Variants in SGMS1 observed in about 807,000 individuals in gnomAD.
The protein encoded by SGMS1 is sphingomyelin synthase 1, also known as phosphatidylcholine:ceramide cholinephosphotransferase 1.
SGMS1 carries 13 observed loss-of-function variants against 46.2 expected under a neutral mutation model. That is an observed-to-expected ratio of 0.28 (90% CI 0.18 to 0.45). SGMS1 has a LOEUF of 0.45. SGMS1 is among the 20% of genes least tolerant of loss of function. SGMS1 has a pLI of 1.00. For synonymous variants in SGMS1, 203 were observed against 187.8 expected (o/e 1.08, Z -0.66); for missense variants, 324 against 519.9 (o/e 0.62, Z 3.66).
intron 2 of SGMS1, among the ~76,000 whole-genome samples, chr10:50,581,145 T>C (rs1017857257): frequency 1.3e-5 from 2 of 152,176 alleles, no homozygotes; most frequent in Non-Finnish European, 2.9e-5. Flanking sequence ...CAACCTCCAA[T>C]GAGACCCCAG....
At chr10:50,363,812 A>T (rs1174153023) in intron 6 of SGMS1, among the ~76,000 whole-genome samples, 6 of 152,228 alleles carry the variant, frequency 3.9e-5, no homozygotes, top group Non-Finnish European at 1.5e-5. Context: ...TCATGCAAAG[A>T]GTTTCCAAAC....
chr10:50,484,083 C>A (rs1202494672), intron 3 of SGMS1, among the ~76,000 whole-genome samples: 1 of 151,902 alleles, frequency 6.6e-6, no homozygotes, highest in African/African-American at 2.4e-5. Flanking sequence ...AAAAACCCTT[C>A]AAAAAATCAA....
At chr10:50,516,148 A>G (rs913190096) in intron 3 of SGMS1, among the ~76,000 whole-genome samples, 2 of 152,188 alleles carry the variant, frequency 1.3e-5, no homozygotes, top group Non-Finnish European at 2.9e-5. Flanking sequence ...TCTGCTGCAG[A>G]AGGAATAATA....
chr10:50,621,261 C>T (rs916609516), intron 1 of SGMS1, among the ~76,000 whole-genome samples: 32 of 152,088 alleles, frequency 2.1e-4, no homozygotes, highest in African/African-American at 7.5e-4. Context: ...GTTAACAAAG[C>T]ACACCATTTC....
At chr10:50,524,371 C>A (rs1362595436) in intron 2 of SGMS1, among the ~76,000 whole-genome samples, 1 of 152,074 alleles carries the variant, frequency 6.6e-6, no homozygotes, top group Non-Finnish European at 1.5e-5. Flanking sequence ...TCCCAGTCCC[C>A]CTTACCATTT....
At chr10:50,531,763 C>G (rs1837955456) in intron 2 of SGMS1, among the ~76,000 whole-genome samples, 1 of 152,166 alleles carries the variant, frequency 6.6e-6, no homozygotes. Flanking sequence ...GGAAGGTATA[C>G]TACATATACC....
At chr10:50,516,312 A>G (rs1264568738) in intron 3 of SGMS1, among the ~76,000 whole-genome samples, 4 of 152,230 alleles carry the variant, frequency 2.6e-5, no homozygotes, top group African/African-American at 9.6e-5. Flanking sequence ...ATGTAAGAAC[A>G]TGGAGCTTAC....
intron 2 of SGMS1, among the ~76,000 whole-genome samples, chr10:50,555,886 A>G (rs1218031288): frequency 6.6e-6 from 1 of 152,234 alleles, no homozygotes. Context: ...CTACTAATAC[A>G]CACAATTTGC....
chr10:50,616,615 C>G (rs993057689), intron 1 of SGMS1, among the ~76,000 whole-genome samples: 2 of 152,132 alleles, frequency 1.3e-5, no homozygotes, highest in Non-Finnish European at 2.9e-5. Context: ...GAACCAGGGC[C>G]TACCAGGGGT....
chr10:50,598,016 A>G lies in SGMS1; in HGVS notation c.-683-7769T>C, dbSNP rs1189836832. ...AACAAGAGTGAAACTCCGTCTCAAA[A>G]AAAAAAAAAAAGAAAAAAAAATTCA... On this transcript the variant is annotated intron_variant, in intron 1 of 10. Transcript: ENST00000361781. Among the ~76,000 whole-genome samples the G allele has an allele frequency of 1.3e-5, 2 of 151,504 alleles. 1 individual carries two copies.
At position 50,568,487 on chromosome 10, in the gene SGMS1, C is replaced by T. The variant is rs144354133; in HGVS notation, c.-589+21666G>A. Reference sequence around the variant, plus strand: ...AAGCCCATCCCTTCAGAATTCCCATCATTCCCATCCAATTCATCAGTTTTA... The same window carrying T: ...AAGCCCATCCCTTCAGAATTCCCATTATTCCCATCCAATTCATCAGTTTTA... On this transcript the variant is annotated intron_variant, in intron 2 of 10. Transcript: ENST00000361781. 5.1e-3 allele frequency among the ~76,000 whole-genome samples: 779 copies of T among 152,334 alleles called. 3 individuals carry two copies. Among genetic ancestry groups the T allele is most frequent in the Non-Finnish European group, 9.0e-3 (615 of 68,038 alleles).
chr10:50,346,146 C>T (rs1847908467), intron 6 of SGMS1, among the ~76,000 whole-genome samples: 1 of 152,166 alleles, frequency 6.6e-6, no homozygotes, highest in South Asian at 2.1e-4. Flanking sequence ...GCTTATTCAC[C>T]TCTAAAATGA....
intron 3 of SGMS1, among the ~76,000 whole-genome samples, chr10:50,476,628 G>A (rs1481040242): frequency 1.3e-5 from 2 of 152,196 alleles, no homozygotes; most frequent in Non-Finnish European, 2.9e-5. Context: ...CCCATCACAG[G>A]CCAGGAGGTC....
chr10:50,624,976 G>A, upstream of SGMS1: 2 of 1,038,974 alleles, frequency 1.9e-6, no homozygotes, highest in Non-Finnish European at 2.3e-6. Context: ...ATCGGGCCGC[G>A]GGCGCTCGGA....
Position 50,589,240 on chromosome 10 carries a change from T to C in SGMS1, c.-589+913A>G, listed in dbSNP as rs978811181. Among the ~76,000 whole-genome samples, 11 of 152,318 alleles carry C rather than the reference T, an allele frequency of 7.2e-5. No individual in the cohort carries two copies. In the East Asian group the frequency reaches 2.1e-3, roughly 29 times the overall value. ...CAAATTCATATTACTTATCTGTTCATTAAAGAAATCACTCTCTCTCTCTCC... is the reference window on the plus strand; with the variant it reads ...CAAATTCATATTACTTATCTGTTCACTAAAGAAATCACTCTCTCTCTCTCC... On this transcript the variant is annotated intron_variant, in intron 2 of 10. Transcript: ENST00000361781.
chr10:50,414,422 T>A (rs752999919), intron 6 of SGMS1, among the ~76,000 whole-genome samples: 38 of 152,190 alleles, frequency 2.5e-4, no homozygotes, highest in Non-Finnish European at 4.7e-4. Flanking sequence ...TACCACATTC[T>A]GGATATGTGT....
intron 1 of SGMS1, among the ~76,000 whole-genome samples, chr10:50,593,604 A>C (rs537924897): frequency 6.6e-6 from 1 of 152,018 alleles, no homozygotes; most frequent in Admixed American, 6.5e-5. Flanking sequence ...ACTAGCCTGA[A>C]TTTTGAGTCA....
At chr10:50,389,629 C>T (rs888324361) in intron 6 of SGMS1, among the ~76,000 whole-genome samples, 3 of 152,194 alleles carry the variant, frequency 2.0e-5, no homozygotes, top group Admixed American at 6.5e-5. Flanking sequence ...CCCACATGCA[C>T]ACAGCCACTA....
intron 3 of SGMS1, among the ~76,000 whole-genome samples, chr10:50,519,549 C>T (rs1364383988): frequency 6.6e-6 from 1 of 152,222 alleles, no homozygotes; most frequent in African/African-American, 2.4e-5. Context: ...CAGGCTGACA[C>T]TCTTTCCTGT....
Sources: gnomAD v4.1 joint callset for allele counts (sites outside exome capture counted in the v4.1 genomes callset) on GRCh38, gnomAD v4.1.1 for gene constraint, MANE v1.5 for transcripts, NCBI Gene and HGNC (gene_info 2026-07-23, HGNC 2026-07-21) for gene names.